FRMPD4: variants seen among roughly 807,000 people sequenced by gnomAD.
FRMPD4 encodes FERM and PDZ domain-containing protein 4.
In FRMPD4, 22 loss-of-function variants were observed where a neutral mutation model predicts 94.1. The observed-to-expected ratio is 0.23, with a 90% CI of 0.17 to 0.33. The LOEUF is 0.33. Ranked by LOEUF, FRMPD4 falls within the 10% of genes least tolerant of loss-of-function variation. The pLI, the probability that FRMPD4 is intolerant of heterozygous loss-of-function variation, is 1.00. For missense variants in FRMPD4, 1,111 were observed against 1,339.9 expected, an observed-to-expected ratio of 0.83 and a Z score of 2.67; for synonymous variants, 631 against 548.6, an observed-to-expected ratio of 1.15 and a Z score of -2.10.
intron 1 of FRMPD4, among the ~76,000 whole-genome samples, chrX:12,265,231 C>T (rs757031762): frequency 3.7e-4 from 41 of 112,053 alleles, no homozygotes; most frequent in Non-Finnish European, 7.3e-4. Flanking sequence ...AAAAATCTCT[C>T]GAGGTGATTT....
intron 1 of FRMPD4, among the ~76,000 whole-genome samples, chrX:12,246,255 T>A (rs2053956920): frequency 8.9e-6 from 1 of 112,216 alleles, no homozygotes; most frequent in African/African-American, 3.2e-5. Context: ...TCACATTGCA[T>A]CAAAATGAGA....
intron 1 of FRMPD4, among the ~76,000 whole-genome samples, chrX:12,194,714 G>A (rs1408887312): frequency 1.8e-5 from 2 of 111,934 alleles, no homozygotes; most frequent in Non-Finnish European, 3.8e-5. Context: ...AGCAAAAAAT[G>A]CTAACAACAA....
intron 3 of FRMPD4, among the ~76,000 whole-genome samples, chrX:11,971,972 A>G (rs1045875386): frequency 9.0e-6 from 1 of 111,665 alleles, no homozygotes; most frequent in Non-Finnish European, 1.9e-5. Context: ...CCCTATTCTC[A>G]AGTGAGAATG....
At chrX:11,905,242 C>G (rs1274799248) in intron 3 of FRMPD4, among the ~76,000 whole-genome samples, 1 of 111,580 alleles carries the variant, frequency 9.0e-6, no homozygotes, top group African/African-American at 3.3e-5. Context: ...ACTGAACTTT[C>G]CCTCTTCTTC....
At chrX:11,970,483 G>A (rs1162156698) in intron 3 of FRMPD4, among the ~76,000 whole-genome samples, 1 of 112,040 alleles carries the variant, frequency 8.9e-6, no homozygotes, top group Non-Finnish European at 1.9e-5. Flanking sequence ...TAGAAAACAG[G>A]GAAGAAGAAC....
At chrX:12,479,424 G>A (rs201881103) in intron 1 of FRMPD4, among the ~76,000 whole-genome samples, 960 of 68,337 alleles carry the variant, frequency 0.014, 15 homozygotes, top group African/African-American at 0.065. Context: ...ACATATATAC[G>A]TATATATATA....
chrX:11,959,263 C>G (rs1340502035), intron 3 of FRMPD4, among the ~76,000 whole-genome samples: 2 of 111,927 alleles, frequency 1.8e-5, no homozygotes, highest in Non-Finnish European at 3.8e-5. Context: ...GAAGTGTAGC[C>G]TCTGGCCAGA....
chrX:12,077,886 A>T, intron 3 of FRMPD4, among the ~76,000 whole-genome samples: 1 of 112,023 alleles, frequency 8.9e-6, no homozygotes, highest in Non-Finnish European at 1.9e-5. Context: ...GTTGCTGTAT[A>T]ACAAATTACT....
intron 1 of FRMPD4, among the ~76,000 whole-genome samples, chrX:12,358,425 A>G (rs1310627955): frequency 9.0e-6 from 1 of 111,293 alleles, no homozygotes; most frequent in Non-Finnish European, 1.9e-5. Context: ...CTTATCTTGT[A>G]TATCTATTTG....
At chrX:11,883,514 AG>A (rs965977343) in intron 3 of FRMPD4, among the ~76,000 whole-genome samples, 1 of 111,588 alleles carries the variant, frequency 9.0e-6, no homozygotes, top group African/African-American at 3.3e-5. Flanking sequence ...ACTAAGCTCT[AG>A]GGGGGATGGA....
intron 2 of FRMPD4, among the ~76,000 whole-genome samples, chrX:12,539,170 T>A (rs2058376007): frequency 8.9e-6 from 1 of 111,902 alleles, no homozygotes; most frequent in African/African-American, 3.3e-5. Context: ...TTCGATCAAC[T>A]GGAAGAAAGT....
intron 1 of FRMPD4, among the ~76,000 whole-genome samples, chrX:12,143,322 T>C (rs1298731558): frequency 1.8e-5 from 2 of 112,863 alleles, no homozygotes; most frequent in South Asian, 3.6e-4. Flanking sequence ...GGTTTCTTTA[T>C]TTTTAAATGG....
At chrX:12,537,922 T>C (rs913703859) in intron 2 of FRMPD4, among the ~76,000 whole-genome samples, 3 of 111,266 alleles carry the variant, frequency 2.7e-5, no homozygotes, top group African/African-American at 9.8e-5. Context: ...AGCCTACAGC[T>C]CCCAGTGTGA....
chrX:11,838,224 A>G (rs1259500512), intron 1 of FRMPD4, among the ~76,000 whole-genome samples: 1 of 111,354 alleles, frequency 9.0e-6, no homozygotes, highest in Admixed American at 9.6e-5. Flanking sequence ...ATGCAAATCA[A>G]TGAAAAGCAT....
At chrX:12,332,466 G>A (rs939393579) in intron 1 of FRMPD4, among the ~76,000 whole-genome samples, 10 of 109,616 alleles carry the variant, frequency 9.1e-5, no homozygotes, top group Non-Finnish European at 1.3e-4. Context: ...AAAGAAATAA[G>A]CGAGTTGATC....
chrX:12,577,689 A>G (rs1401814293), intron 2 of FRMPD4, among the ~76,000 whole-genome samples: 1 of 111,746 alleles, frequency 8.9e-6, no homozygotes, highest in African/African-American at 3.3e-5. Flanking sequence ...GCAGGGCTTG[A>G]AAGCTGGGGA....
intron 2 of FRMPD4, among the ~76,000 whole-genome samples, chrX:12,586,663 T>C (rs1380529571): frequency 1.8e-5 from 2 of 112,146 alleles, no homozygotes; most frequent in Non-Finnish European, 3.8e-5. Flanking sequence ...ACAAACACAA[T>C]TTATTATACC....
chrX:12,717,623 T>C lies in FRMPD4; in HGVS notation c.2797T>C (p.Ser933Pro), dbSNP rs1041527639. ...AGCACAAAAACAGTCAGAAAACCTC[T>C]CCCGCATGTTCTTGGCCACTCACGA... ...ATAQKQSENL[S>P]RMFLATHEGY... The change falls in exon 16 of 17, where the codon TCC becomes CCC. Residue 933 changes from serine (S) to proline (P), a missense_variant. Around this residue, in one of 8 missense-constraint regions of FRMPD4, gnomAD observed 551 missense variants for 591.6 expected, o/e 0.93. Coordinates refer to ENST00000675598, the MANE Select transcript of FRMPD4 (RefSeq NM_001368397.1). 8.3e-7 allele frequency: 1 copy of C among 1,209,024 alleles called. No homozygotes were observed. The highest frequency in any genetic ancestry group is 1.7e-5 in the African/African-American group (1 of 57,670).
At chrX:12,624,747 G>A (rs934246684) in intron 4 of FRMPD4, among the ~76,000 whole-genome samples, 1 of 110,981 alleles carries the variant, frequency 9.0e-6, no homozygotes, top group Admixed American at 9.6e-5. Context: ...AGAGAAAAGG[G>A]GCCAGAAAGT....
Sources: allele counts gnomAD v4.1 joint callset (sites outside exome capture counted in the v4.1 genomes callset), GRCh38; gene constraint gnomAD v4.1.1; regional missense constraint gnomAD v4.1.1; transcripts MANE v1.5; gene names NCBI Gene and HGNC (gene_info 2026-07-23, HGNC 2026-07-21).